Variants in RPIA observed in about 807,000 individuals in gnomAD.
The protein encoded by RPIA is ribose 5-phosphate isomerase A.
RPIA carries 29 observed loss-of-function variants against 37.8 expected under a neutral mutation model. The observed-to-expected ratio is 0.77, with a 90% CI of 0.57 to 1.05. RPIA has a LOEUF of 1.05. RPIA is among the 50% of genes least tolerant of loss of function. The pLI is 0.00. For missense variants in RPIA, 385 were observed against 413.6 expected (o/e 0.93, Z 0.60); for synonymous variants, 167 against 157.0 (o/e 1.06, Z -0.48).
chr2:88,724,537 G>A (rs928117451), intron 3 of RPIA, among the ~76,000 whole-genome samples: 2 of 152,082 alleles, frequency 1.3e-5, no homozygotes, highest in African/African-American at 4.8e-5. Flanking sequence ...TCGAACTCCC[G>A]ACCTCAGGTG....
At chr2:88,729,028 A>T (rs533659421) in intron 3 of RPIA, among the ~76,000 whole-genome samples, 3 of 152,320 alleles carry the variant, frequency 2.0e-5, no homozygotes, top group African/African-American at 7.2e-5. Flanking sequence ...CAAGTCACTG[A>T]CGAGGAGCTC....
intron 3 of RPIA, among the ~76,000 whole-genome samples, chr2:88,721,810 A>G (rs1430486157): frequency 6.6e-6 from 1 of 150,872 alleles, no homozygotes; most frequent in Non-Finnish European, 1.5e-5. Context: ...TAAAAACATA[A>G]TTAAAATCTC....
At chr2:88,747,578 C>G (rs1230330829) in intron 8 of RPIA, among the ~76,000 whole-genome samples, 2 of 152,198 alleles carry the variant, frequency 1.3e-5, no homozygotes, top group African/African-American at 4.8e-5. Flanking sequence ...CGAAGGACCC[C>G]TGTGAGATAA....
rs1553420200 is a variant in RPIA, at chr2:88,713,120, A to ATTTT, written c.402+13069_402+13072dup. ...TCTGAATATATATATATATATATAT[A>ATTTT]TTTTTTTTTTTTTTTTCAAGCTACG... is the stretch of plus-strand genomic sequence containing the variant. On this transcript the variant is annotated intron_variant, in intron 3 of 8. Coordinates refer to ENST00000283646, the MANE Select transcript of RPIA (RefSeq NM_144563.3). Among the ~76,000 whole-genome samples the ATTTT allele has an allele frequency of 4.2e-3, 274 of 65,268 alleles. 3 individuals carry two copies. The highest frequency in any genetic ancestry group is 5.2e-3 in the African/African-American group (66 of 12,606). 42.8% of individuals were successfully genotyped at this position (65,268 alleles called of 152,430 possible). A position where few individuals can be genotyped will look rare whatever the true frequency, so the allele number is the denominator to read the frequency against.
chr2:88,699,366 A>G (rs926724015), intron 2 of RPIA, among the ~76,000 whole-genome samples: 1 of 152,044 alleles, frequency 6.6e-6, no homozygotes, highest in Non-Finnish European at 1.5e-5. Flanking sequence ...GATTAAAAAG[A>G]CTTGAAATTT....
chr2:88,698,108 C>CACATTTTAAACACATTTAAACACAT (rs1672780701), intron 1 of RPIA, among the ~76,000 whole-genome samples: 1 of 145,252 alleles, frequency 6.9e-6, no homozygotes, highest in South Asian at 2.2e-4. Flanking sequence ...TTTAAACACA[C>CACATTTTAAACACATTTAAACACAT]TGTTGCTGGC....
At chr2:88,722,411 AC>A (rs1223605302) in intron 3 of RPIA, among the ~76,000 whole-genome samples, 3 of 152,198 alleles carry the variant, frequency 2.0e-5, no homozygotes, top group African/African-American at 7.2e-5. Flanking sequence ...TTATCCCATT[AC>A]ATTTACTTAT....
chr2:88,723,479 A>G (rs1673159241), intron 3 of RPIA, among the ~76,000 whole-genome samples: 1 of 152,208 alleles, frequency 6.6e-6, no homozygotes, highest in Non-Finnish European at 1.5e-5. Context: ...GGGGAGTTCT[A>G]CAGCAAAATA....
At chr2:88,721,544 TACACACACAC>T (rs748522109) in intron 3 of RPIA, among the ~76,000 whole-genome samples, 5,206 of 82,464 alleles carry the variant, frequency 0.063, 204 homozygotes, top group African/African-American at 0.15. Flanking sequence ...ATATATATTA[TACACACACAC>T]ACACACACAC....
intron 3 of RPIA, among the ~76,000 whole-genome samples, chr2:88,727,536 G>A (rs1164999828): frequency 2.6e-5 from 4 of 152,040 alleles, no homozygotes; most frequent in Non-Finnish European, 2.9e-5. Flanking sequence ...TTCCCTGATC[G>A]TCTCCTTCCT....
chr2:88,698,920 C>T (rs1672793929), intron 2 of RPIA, among the ~76,000 whole-genome samples: 1 of 152,214 alleles, frequency 6.6e-6, no homozygotes, highest in African/African-American at 2.4e-5. Flanking sequence ...TTGCCCTGTC[C>T]ATGACCCTGG....
At chr2:88,714,534 TTGTC>T (rs1673009254) in intron 3 of RPIA, among the ~76,000 whole-genome samples, 1 of 152,120 alleles carries the variant, frequency 6.6e-6, no homozygotes, top group Non-Finnish European at 1.5e-5. Flanking sequence ...AAGATGAGGA[TTGTC>T]TGTCAGGCCA....
At position 88,700,014 on chromosome 2, in the gene RPIA, A is replaced by G; in HGVS notation, c.352A>G (p.Arg118Gly). ...IVHAVQRIAE[R>G]VKQENLNLVC... is the part of the protein sequence containing the mutation. The stretch of plus-strand genomic sequence containing the variant: ...TATGGCTTTTGTTTCCACAGCTGAA[A>G]GGGTGAAGCAAGAGAATCTGAACCT... Residue 118 changes from arginine (R) to glycine (G), a missense_variant, in exon 3 of 9, where the codon AGG (arginine) becomes GGG (glycine). Around this residue, in one of 2 missense-constraint regions of RPIA, gnomAD observed 232 missense variants for 203.0 expected, o/e 1.14. Transcript: ENST00000283646. 6.2e-7 allele frequency: 1 copy of G among 1,614,202 alleles called. No homozygotes were observed. The highest frequency in any genetic ancestry group is 8.5e-7 in the Non-Finnish European group (1 of 1,180,020).
At chr2:88,712,132 G>A (rs1203334615) in intron 3 of RPIA, among the ~76,000 whole-genome samples, 1 of 152,220 alleles carries the variant, frequency 6.6e-6, no homozygotes, top group Non-Finnish European at 1.5e-5. Flanking sequence ...CTGGCTGAGA[G>A]TAGAGGTCCA....
Position 88,691,963 on chromosome 2 carries a change from G to C in RPIA, c.265G>C (p.Ala89Pro), listed in dbSNP as rs2104060766. 2 of 1,591,094 alleles carry C rather than the reference G, an allele frequency of 1.3e-6. No individual in the cohort carries two copies. The highest frequency in any genetic ancestry group is 1.7e-6 in the Non-Finnish European group (2 of 1,170,064). The change falls in exon 1 of 9, where the codon GCT (alanine) becomes CCT (proline). Residue 89 changes from alanine (A) to proline (P), a missense_variant. Ala to Pro is a conservative substitution (Grantham distance 27). Around this residue, in one of 2 missense-constraint regions of RPIA, gnomAD observed 232 missense variants for 203.0 expected, o/e 1.14. Transcript: ENST00000283646. The part of the protein sequence containing the change: ...EEAKKLAGRA[A>P]VENHVRNNQV... ...GGCCAAGAAGCTGGCGGGCCGCGCG[G>C]CTGTGGAGAACCACGTGAGGGTGAG...
rs962328940 is a variant in RPIA, at chr2:88,750,598, T to G, written c.*520T>G. ...GCACACATAGTACCTAGTTACATCT[T>G]AAGATCAGGTTTATAAAACTGTGGA... On this transcript the variant is annotated 3_prime_UTR_variant, in exon 9 of 9. Coordinates refer to ENST00000283646, the MANE Select transcript of RPIA (RefSeq NM_144563.3). 6 of 406,394 alleles carry G rather than the reference T, an allele frequency of 1.5e-5. No homozygotes were observed. The highest frequency in any genetic ancestry group is 1.2e-3 in the Middle Eastern group (2 of 1,614). 25.2% of individuals were successfully genotyped at this position (406,394 alleles called of 1,614,324 possible).
At chr2:88,706,978 A>G (rs1672905866) in intron 3 of RPIA, among the ~76,000 whole-genome samples, 1 of 152,252 alleles carries the variant, frequency 6.6e-6, no homozygotes, top group Non-Finnish European at 1.5e-5. Flanking sequence ...TATTCTTGGT[A>G]GTAATTTTCC....
intron 3 of RPIA, among the ~76,000 whole-genome samples, chr2:88,714,877 T>C (rs1673012696): frequency 1.3e-5 from 2 of 152,210 alleles, no homozygotes; most frequent in Admixed American, 1.3e-4. Flanking sequence ...AGGGTACCCT[T>C]GTCCTCAAAT....
intron 8 of RPIA, among the ~76,000 whole-genome samples, chr2:88,748,147 G>C (rs1042353312): frequency 8.5e-5 from 13 of 152,308 alleles, no homozygotes; most frequent in African/African-American, 3.1e-4. Context: ...TGTGGCCTTT[G>C]AGATAGACTT....
Sources: gnomAD v4.1 joint callset for allele counts (sites outside exome capture counted in the v4.1 genomes callset) on GRCh38, gnomAD v4.1.1 for gene constraint, gnomAD v4.1.1 regional missense constraint, MANE v1.5 for transcripts, NCBI Gene and HGNC (gene_info 2026-07-23, HGNC 2026-07-21) for gene names.